The following LYST variants were observed in gnomAD, a reference collection of about 807,000 sequenced individuals.
The protein encoded by LYST is lysosomal-trafficking regulator.
LYST carries 192 observed loss-of-function variants against 413.6 expected under a neutral mutation model. That is an observed-to-expected ratio of 0.46 (90% CI 0.41 to 0.52). The LOEUF (loss-of-function observed/expected upper bound fraction) is 0.52, where lower values mean the gene tolerates loss of function less well. Among genes scored for constraint, LYST ranks in the 20% least tolerant of loss-of-function variants. The pLI, the probability that LYST is intolerant of heterozygous loss-of-function variation, is 0.00. For synonymous variants in LYST, 1,525 were observed against 1,567.3 expected (o/e 0.97, Z 0.64); for missense variants, 3,815 against 4,499.9 (o/e 0.85, Z 4.35).
At chr1:235,722,480 TTTTTGTTTTG>T (rs577582331) in intron 39 of LYST, among the ~76,000 whole-genome samples, 3 of 151,994 alleles carry the variant, frequency 2.0e-5, no homozygotes, top group Non-Finnish European at 4.4e-5. Flanking sequence ...CTGAGCAAGT[TTTTTGTTTTG>T]TTTTGTTTTG....
chr1:235,810,167 A>T lies in LYST; in HGVS notation c.651T>A (p.Asp217Glu). 1.9e-6 allele frequency: 3 copies of T among 1,614,154 alleles called. No homozygotes were observed. Among genetic ancestry groups the T allele is most frequent in the Non-Finnish European group, 2.5e-6 (3 of 1,180,008 alleles). The change falls in exon 5 of 53, where the codon GAT becomes GAA. Residue 217 changes from aspartate (D) to glutamate (E), a missense_variant. Coordinates refer to ENST00000389793, the MANE Select transcript of LYST (RefSeq NM_000081.4). ...RLATKEQTPP[D>E]AMALENSREI... ...CTCTGGAATTTTCCAAAGCCATAGC[A>T]TCTGGAGGAGTCTGTTCTTTGGTTG...
At chr1:235,786,756 G>A (rs1183329495) in intron 14 of LYST, among the ~76,000 whole-genome samples, 1 of 151,898 alleles carries the variant, frequency 6.6e-6, no homozygotes, top group Non-Finnish European at 1.5e-5. Context: ...GTACGGACAC[G>A]GATGAAGCTG....
At chr1:235,749,436 G>A (rs73126564) in intron 28 of LYST, among the ~76,000 whole-genome samples, 2 of 151,542 alleles carry the variant, frequency 1.3e-5, no homozygotes, top group African/African-American at 4.8e-5. Flanking sequence ...AGAGACTTCA[G>A]AGAGAGAGAG....
chr1:235,820,189 G>A (rs986453061), intron 3 of LYST, among the ~76,000 whole-genome samples: 1 of 152,142 alleles, frequency 6.6e-6, no homozygotes, highest in Non-Finnish European at 1.5e-5. Flanking sequence ...TGGGATGGGA[G>A]TAAATGGGCA....
intron 10 of LYST, among the ~76,000 whole-genome samples, chr1:235,799,877 T>C (rs894115707): frequency 4.3e-5 from 6 of 139,710 alleles, no homozygotes; most frequent in Non-Finnish European, 9.1e-5. Context: ...AACGAGATAA[T>C]GCATATAAAG....
chr1:235,758,608 T>C (rs1172332673), intron 23 of LYST, among the ~76,000 whole-genome samples: 1 of 152,150 alleles, frequency 6.6e-6, no homozygotes, highest in Admixed American at 6.5e-5. Flanking sequence ...TAGAAATCAC[T>C]CCCACCTTCA....
At chr1:235,860,742 C>G (rs1217643555) in intron 1 of LYST, among the ~76,000 whole-genome samples, 2 of 152,168 alleles carry the variant, frequency 1.3e-5, no homozygotes, top group South Asian at 2.1e-4. Context: ...TTGATATGTT[C>G]CAACATATGT....
chr1:235,678,772 T>C (rs1287823720), intron 48 of LYST, among the ~76,000 whole-genome samples: 2 of 152,222 alleles, frequency 1.3e-5, no homozygotes, highest in Non-Finnish European at 2.9e-5. Flanking sequence ...ATTTTGTATT[T>C]ATACTCCTAT....
In LYST at chr1:235,715,348, C is replaced by T. The variant is rs1349883789; in HGVS notation, c.9637G>A (p.Glu3213Lys). 6.2e-6 allele frequency: 10 copies of T among 1,613,702 alleles called. No homozygotes were observed. In the African/African-American group the frequency reaches 6.7e-5, roughly 11 times the overall value. The change falls in exon 42 of 53, where the codon GAA (glutamate) becomes AAA (lysine). Residue 3213 changes from glutamate (E) to lysine (K), a missense_variant. Around this residue, in one of 4 missense-constraint regions of LYST, gnomAD observed 866 missense variants for 1,156.0 expected, o/e 0.75. Transcript: ENST00000389793. ...TCTCTGGCTCCTTTGCGGTACTCTT[C>T]CTCCAAGTACTGAAAGAAACGGTGA... is the stretch of plus-strand genomic sequence containing the variant. ...RYVDTYKYLE[E>K]EYRKGAREDD...
At chr1:235,753,387 T>G in intron 25 of LYST, 113 bp from the exon 26 acceptor site, 1 of 709,208 alleles carries the variant, frequency 1.4e-6, no homozygotes, top group Non-Finnish European at 2.5e-6. Flanking sequence ...AAAAACAAGT[T>G]GGGGGAGTAA....
Position 235,702,938 on chromosome 1 carries a change from C to A in LYST, c.10183G>T (p.Val3395Phe). 1.2e-6 allele frequency: 2 copies of A among 1,614,154 alleles called. No homozygotes were observed. Among genetic ancestry groups the A allele is most frequent in the Non-Finnish European group, 1.7e-6 (2 of 1,180,014 alleles). ...GMDVSAVEDP[V>F]QRRALETMIK... ...ATGGTTTCTAGCGCTCGTCTCTGAA[C>A]TGGATCTTCAACTGCAGAGACATCC... Residue 3395 changes from valine (V) to phenylalanine (F), a missense_variant, in exon 45 of 53, where the codon GTT (valine) becomes TTT (phenylalanine). Physicochemically the swap from Val to Phe is conservative, Grantham distance 50 (BLOSUM62 -1). Around this residue, in one of 4 missense-constraint regions of LYST, gnomAD observed 866 missense variants for 1,156.0 expected, o/e 0.75. Coordinates refer to ENST00000389793, the MANE Select transcript of LYST (RefSeq NM_000081.4).
In LYST at chr1:235,810,351, C is replaced by A; in HGVS notation, c.467G>T (p.Arg156Ile). ...GGAGAGCTGTGTCTTTCTTGCATCT[C>A]TTACAGAATAGCGATGGGTAATTTT... ...QRKITHRYSV[R>I]DARKTQLSTS... Residue 156 changes from arginine to isoleucine, a missense_variant, in exon 5 of 53, where the codon AGA (arginine) becomes ATA (isoleucine). By Grantham distance (97) the Arg-to-Ile change is moderately conservative (BLOSUM62 -3). Coordinates refer to ENST00000389793, the MANE Select transcript of LYST (RefSeq NM_000081.4). 1 of 1,614,116 alleles carries A rather than the reference C, an allele frequency of 6.2e-7. No individual in the cohort carries two copies. The highest frequency in any genetic ancestry group is 1.7e-4 in the Middle Eastern group (1 of 6,060).
In LYST at chr1:235,733,500, T is replaced by C; in HGVS notation, c.8801+3A>G. Reference sequence around the variant, plus strand: ...CAATTTTAACTGACCTCCCGCAGCTTACCTATCATGTGTCAGCTGCTGAAT... The same window carrying C: ...CAATTTTAACTGACCTCCCGCAGCTCACCTATCATGTGTCAGCTGCTGAAT... On this transcript the variant is annotated splice_donor_region_variant and intron_variant, in intron 34 of 52. Transcript: ENST00000389793. 6.2e-7 allele frequency: 1 copy of C among 1,613,060 alleles called. No homozygotes were observed. The highest frequency in any genetic ancestry group is 8.5e-7 in the Non-Finnish European group (1 of 1,179,056).
intron 30 of LYST, among the ~76,000 whole-genome samples, chr1:235,743,563 A>G (rs1305048223): frequency 2.0e-5 from 3 of 152,324 alleles, no homozygotes; most frequent in African/African-American, 7.2e-5. Context: ...TATTCTCTAC[A>G]TAATTTTAAA....
rs538141904 is a variant in LYST at position 235,719,387 on chromosome 1, T to C, written c.9560+1274A>G. 3.2e-4 allele frequency among the ~76,000 whole-genome samples: 49 copies of C among 152,218 alleles called. 1 individual carries two copies. Among genetic ancestry groups the C allele is most frequent in the Admixed American group, 3.0e-3 (46 of 15,290 alleles). ...TCTGACACAACAAAACATCCTAGGC[T>C]CACCTTGTCTATTTTCTTCTAATAA... On this transcript the variant is annotated intron_variant, in intron 40 of 52. Coordinates refer to ENST00000389793, the MANE Select transcript of LYST (RefSeq NM_000081.4).
chr1:235,688,978 C>T (rs1300733883), intron 47 of LYST, among the ~76,000 whole-genome samples: 2 of 134,804 alleles, frequency 1.5e-5, no homozygotes, highest in East Asian at 2.1e-4. Flanking sequence ...AGTGAGACTC[C>T]GTCTCAAATA....
Position 235,693,748 on chromosome 1 carries a change from G to C in LYST, c.10565-262C>G, listed in dbSNP as rs888381537. Among the ~76,000 whole-genome samples the C allele has an allele frequency of 2.6e-5, 4 of 152,078 alleles. No homozygotes were observed. The East Asian group carries it at 7.7e-4, about 29-fold the overall frequency. ...GACTCAGAACTAAAATTTCTGTTAAGAAATTATTATAAAAGACAGTAATAG... is the reference window on the plus strand; with the variant it reads ...GACTCAGAACTAAAATTTCTGTTAACAAATTATTATAAAAGACAGTAATAG... On this transcript the variant is annotated intron_variant, in intron 46 of 52. Coordinates refer to ENST00000389793, the MANE Select transcript of LYST (RefSeq NM_000081.4).
chr1:235,701,930 A>G (rs559690875), intron 45 of LYST, among the ~76,000 whole-genome samples: 6 of 152,232 alleles, frequency 3.9e-5, no homozygotes, highest in Admixed American at 3.9e-4. Context: ...ACATAAAGTA[A>G]TATTACAAGG....
At chr1:235,688,987 T>TAAC (rs773763182) in intron 47 of LYST, among the ~76,000 whole-genome samples, 1 of 85,206 alleles carries the variant, frequency 1.2e-5, no homozygotes, top group East Asian at 2.4e-4. Flanking sequence ...CCGTCTCAAA[T>TAAC]AATAATAATA....
Sources: gnomAD v4.1 joint callset for allele counts (sites outside exome capture counted in the v4.1 genomes callset) on GRCh38, gnomAD v4.1.1 for gene constraint, gnomAD v4.1.1 regional missense constraint, MANE v1.5 for transcripts, NCBI Gene and HGNC (gene_info 2026-07-23, HGNC 2026-07-21) for gene names.